TNNI3K: variants seen among roughly 807,000 people sequenced by gnomAD.
TNNI3K encodes the protein TNNI3 interacting kinase.
In TNNI3K, 140 loss-of-function variants were observed where a neutral mutation model predicts 114.5. The ratio of observed to expected loss-of-function variants is 1.22; its 90% CI spans 1.07 to 1.41. TNNI3K has a LOEUF of 1.41. TNNI3K is among the 40% of genes most tolerant of loss of function. The pLI, the probability that TNNI3K is intolerant of heterozygous loss-of-function variation, is 0.00. For synonymous variants in TNNI3K, 347 were observed against 347.5 expected (o/e 1.00, Z 0.02); for missense variants, 1,125 against 1,007.6 (o/e 1.12, Z -1.58).
At chr1:74,333,312 G>A (rs147472132) in intron 6 of TNNI3K, among the ~76,000 whole-genome samples, 44 of 152,230 alleles carry the variant, frequency 2.9e-4, no homozygotes, top group Non-Finnish European at 4.3e-4. Context: ...GTGCACTGGA[G>A]TGCAATGAAG....
intron 9 of TNNI3K, among the ~76,000 whole-genome samples, chr1:74,348,941 A>G (rs1432143085): frequency 6.6e-6 from 1 of 152,184 alleles, no homozygotes; most frequent in African/African-American, 2.4e-5. Context: ...GTCATCTGCA[A>G]ACAGGGACCA....
chr1:74,473,895 A>G (rs2100743877), intron 21 of TNNI3K, among the ~76,000 whole-genome samples: 1 of 152,240 alleles, frequency 6.6e-6, no homozygotes. Context: ...TCCTCTCTAC[A>G]CTGGAAAGTC....
intron 11 of TNNI3K, among the ~76,000 whole-genome samples, chr1:74,354,669 G>C (rs1473828036): frequency 6.6e-6 from 1 of 151,866 alleles, no homozygotes; most frequent in East Asian, 1.9e-4. Flanking sequence ...AAAACAACTG[G>C]GTTTAAATCA....
chr1:74,479,244 C>G (rs773678893), intron 21 of TNNI3K, among the ~76,000 whole-genome samples: 1 of 152,112 alleles, frequency 6.6e-6, no homozygotes, highest in Non-Finnish European at 1.5e-5. Context: ...ACACACACAT[C>G]GAGCTAGATA....
At chr1:74,536,963 A>G (rs1646667517) in intron 23 of TNNI3K, among the ~76,000 whole-genome samples, 1 of 152,184 alleles carries the variant, frequency 6.6e-6, no homozygotes, top group Non-Finnish European at 1.5e-5. Context: ...GGGTGGAAAC[A>G]GCTAGTTCCA....
At chr1:74,503,494 T>A (rs1356421235) in intron 23 of TNNI3K, among the ~76,000 whole-genome samples, 2 of 152,228 alleles carry the variant, frequency 1.3e-5, no homozygotes, top group Non-Finnish European at 2.9e-5. Context: ...TCTTTCTTAC[T>A]CAGTGACACT....
intron 17 of TNNI3K, among the ~76,000 whole-genome samples, chr1:74,385,290 T>C (rs952652464): frequency 2.0e-5 from 3 of 152,180 alleles, no homozygotes; most frequent in African/African-American, 7.2e-5. Context: ...GTGACAGAAA[T>C]ATTTTTTGTA....
chr1:74,331,443 T>G lies in TNNI3K; in HGVS notation c.445-7T>G. ...AAGTTCTTAACCATAATCATTTTCT[T>G]GTCCAGGCTGCTGATGTGCTGTTGC... On this transcript the variant is annotated splice_region_variant and splice_polypyrimidine_tract_variant and intron_variant, in intron 5 of 24. Coordinates refer to ENST00000326637, the MANE Select transcript of TNNI3K (RefSeq NM_015978.3). 1 of 1,611,852 alleles carries G rather than the reference T, an allele frequency of 6.2e-7. No individual in the cohort carries two copies. Among genetic ancestry groups the G allele is most frequent in the East Asian group, 2.2e-5 (1 of 44,848 alleles).
chr1:74,522,148 G>A (rs534242443), intron 23 of TNNI3K, among the ~76,000 whole-genome samples: 1 of 152,248 alleles, frequency 6.6e-6, no homozygotes, highest in Admixed American at 6.5e-5. Flanking sequence ...GGCACTATTG[G>A]AAACTTAATA....
At chr1:74,345,148 G>GCAAT (rs1363132145) in intron 9 of TNNI3K, among the ~76,000 whole-genome samples, 3 of 152,010 alleles carry the variant, frequency 2.0e-5, no homozygotes, top group Admixed American at 6.6e-5. Context: ...TTGAAAAAGA[G>GCAAT]CAATGAATCA....
intron 5 of TNNI3K, among the ~76,000 whole-genome samples, chr1:74,294,924 A>G (rs1657889502): frequency 6.6e-6 from 1 of 151,770 alleles, no homozygotes. Flanking sequence ...TCTGGGGAAA[A>G]TATAACTTGG....
chr1:74,445,518 A>G (rs1272378250), intron 20 of TNNI3K, among the ~76,000 whole-genome samples: 3 of 147,672 alleles, frequency 2.0e-5, no homozygotes, highest in Non-Finnish European at 3.0e-5. Context: ...ATGATTTCCA[A>G]TTTCATCCAT....
chr1:74,419,272 A>G (rs1384389017), intron 17 of TNNI3K, among the ~76,000 whole-genome samples: 1 of 151,926 alleles, frequency 6.6e-6, no homozygotes, highest in Non-Finnish European at 1.5e-5. Context: ...CTTCTTTTCA[A>G]TCTCTTATAA....
At chr1:74,266,664 T>A (rs1656010712) in intron 4 of TNNI3K, among the ~76,000 whole-genome samples, 1 of 152,006 alleles carries the variant, frequency 6.6e-6, no homozygotes. Flanking sequence ...AAATAAATTT[T>A]AAAAATGGAT....
intron 21 of TNNI3K, among the ~76,000 whole-genome samples, chr1:74,464,134 G>A (rs758100054): frequency 3.4e-4 from 51 of 152,126 alleles, no homozygotes; most frequent in Non-Finnish European, 7.3e-4. Context: ...GAATAGAGAG[G>A]GAATAGTCAT....
intron 5 of TNNI3K, among the ~76,000 whole-genome samples, chr1:74,306,721 G>T (rs185815917): frequency 6.6e-6 from 1 of 152,016 alleles, no homozygotes; most frequent in Non-Finnish European, 1.5e-5. Context: ...TTTTAATGGG[G>T]TTATTTTCTT....
At chr1:74,482,392 C>A (rs1668548825) in intron 21 of TNNI3K, among the ~76,000 whole-genome samples, 1 of 152,142 alleles carries the variant, frequency 6.6e-6, no homozygotes, top group African/African-American at 2.4e-5. Context: ...TGTCTCTGAT[C>A]AGGAAAAATA....
chr1:74,480,104 T>C, intron 21 of TNNI3K: 1 of 664,558 alleles, frequency 1.5e-6, no homozygotes, highest in Non-Finnish European at 2.8e-6. Flanking sequence ...GCTGCAAAAA[T>C]ATGGACAAGA....
At chr1:74,399,747 G>T (rs1368297943) in intron 17 of TNNI3K, among the ~76,000 whole-genome samples, 1 of 152,154 alleles carries the variant, frequency 6.6e-6, no homozygotes, top group Admixed American at 6.5e-5. Flanking sequence ...ATTGGGGGTG[G>T]ATGTGGTTAG....
Sources: gnomAD v4.1 joint callset for allele counts (sites outside exome capture counted in the v4.1 genomes callset) on GRCh38, gnomAD v4.1.1 for gene constraint, MANE v1.5 for transcripts, NCBI Gene and HGNC (gene_info 2026-07-23, HGNC 2026-07-21) for gene names.